ATP1A3: variants seen among roughly 807,000 people sequenced by gnomAD.
The protein encoded by ATP1A3 is ATPase Na+/K+ transporting subunit alpha 3, also known as sodium/potassium-transporting ATPase subunit alpha-3.
ATP1A3 carries 12 observed loss-of-function variants against 108.8 expected under a neutral mutation model. That is an observed-to-expected ratio of 0.11 (90% CI 0.07 to 0.18). The LOEUF (loss-of-function observed/expected upper bound fraction) is 0.18. Ranked by LOEUF, ATP1A3 falls within the 10% of genes least tolerant of loss-of-function variation. The pLI, the probability that ATP1A3 is intolerant of heterozygous loss-of-function variation, is 1.00. For synonymous variants in ATP1A3, 539 were observed against 564.5 expected (o/e 0.95, Z 0.64); for missense variants, 498 against 1,387.7 (o/e 0.36, Z 10.19).
chr19:41,968,061 C>G lies in ATP1A3; in HGVS notation c.2820-298G>C, dbSNP rs1555859038. Among the ~76,000 whole-genome samples the G allele has an allele frequency of 6.6e-6, 1 of 151,260 alleles. No homozygotes were observed. Among genetic ancestry groups the G allele is most frequent in the East Asian group, 1.9e-4 (1 of 5,160 alleles). Reference sequence around the variant, plus strand: ...ACAGAGAGACAGACACAGGGACAGACACAGAGACAGGGACAGAAACAGACA... The same window carrying G: ...ACAGAGAGACAGACACAGGGACAGAGACAGAGACAGGGACAGAAACAGACA... On this transcript the variant is annotated intron_variant, in intron 20 of 22. Coordinates refer to ENST00000648268, the MANE Select transcript of ATP1A3 (RefSeq NM_152296.5). The surrounding 1 kb of genome is among the most constrained non-coding windows in gnomAD (Gnocchi z 5.0).
rs531493639 is a variant in ATP1A3, at chr19:41,987,843, T to C, written c.357+93A>G. 5 of 1,448,794 alleles carry C rather than the reference T, an allele frequency of 3.5e-6. No individual in the cohort carries two copies. The East Asian group carries it at 1.1e-4, about 33-fold the overall frequency. The allele number at this position is 1,448,794 out of a possible 1,614,324, so 89.7% of individuals were successfully genotyped here. On this transcript the variant is annotated intron_variant, in intron 4 of 22. Coordinates refer to ENST00000648268, the MANE Select transcript of ATP1A3 (RefSeq NM_152296.5). The stretch of plus-strand genomic sequence containing the variant: ...GATGGGAAAAAGGGGGAGAGTGGGC[T>C]GTGAAAAGCTTAGAGGGATGGGAAG...
chr19:41,993,501 GCACACACACACACACACACACACACACA>G, intron 1 of ATP1A3: 8 of 676,960 alleles, frequency 1.2e-5, no homozygotes, highest in Admixed American at 3.0e-5. Flanking sequence ...TGCGGAGCCT[GCACACACACACACACACACACACACACA>G]CACACACACA....
In ATP1A3 at chr19:41,985,575, G is replaced by A. The variant is rs2075279352; in HGVS notation, c.607-152C>T. ...GGTGAGTGGTGTGTGGGAGGCCAGA[G>A]GCTGGGATCTTGAAGGTGGGGAAGG... On this transcript the variant is annotated intron_variant, in intron 6 of 22. Transcript: ENST00000648268. This position sits in a 1 kb window ranked among gnomAD's most constrained non-coding sequence, Gnocchi z 8.2. 2.2e-6 allele frequency: 2 copies of A among 891,366 alleles called. No homozygotes were observed. Among genetic ancestry groups the A allele is most frequent in the African/African-American group, 1.6e-5 (1 of 60,904 alleles). 55.2% of individuals were successfully genotyped at this position (891,366 alleles called of 1,614,324 possible).
At chr19:41,982,534 G>C (rs1042174884) in intron 8 of ATP1A3, among the ~76,000 whole-genome samples, 1 of 151,912 alleles carries the variant, frequency 6.6e-6, no homozygotes, top group African/African-American at 2.4e-5. Context: ...GCTGAGGCAC[G>C]AGAACCCCTT....
Position 41,967,143 on chromosome 19 carries a change from G to A in ATP1A3, c.3013+106C>T, listed in dbSNP as rs1202101996. On this transcript the variant is annotated intron_variant, in intron 22 of 22. Transcript: ENST00000648268. The surrounding 1 kb of genome is among the most constrained non-coding windows in gnomAD (Gnocchi z 4.2). ...GAGATGGGAAGAGAGAGAAGAGTGG[G>A]AACCAGGTGGCAGAGCCATCCAGCA... 2 of 1,577,202 alleles carry A rather than the reference G, an allele frequency of 1.3e-6. No homozygotes were observed. Among genetic ancestry groups the A allele is most frequent in the Admixed American group, 1.9e-5 (1 of 53,576 alleles).
rs1450745986 is a variant in ATP1A3 at position 41,968,685 on chromosome 19, AC to A, written c.2819+99del. The A allele has an allele frequency of 2.5e-6, 4 of 1,575,664 alleles. No homozygotes were observed. The highest frequency in any genetic ancestry group is 3.5e-6 in the Non-Finnish European group (4 of 1,157,248). The stretch of plus-strand genomic sequence containing the variant: ...AGTGAGACCCTGCCTCAACAAAACA[AC>A]AAAAAACCAAAGCAAGGACACAAGA... On this transcript the variant is annotated intron_variant, in intron 20 of 22. Transcript: ENST00000648268. This position sits in a 1 kb window ranked among gnomAD's most constrained non-coding sequence, Gnocchi z 5.0.
Position 41,978,575 on chromosome 19 carries a change from G to C in ATP1A3, c.1630+31C>G, listed in dbSNP as rs1555862266. The C allele has an allele frequency of 6.2e-7, 1 of 1,610,034 alleles. No homozygotes were observed. The highest frequency in any genetic ancestry group is 1.7e-5 in the Admixed American group (1 of 59,986). On this transcript the variant is annotated intron_variant, in intron 12 of 22. Coordinates refer to ENST00000648268, the MANE Select transcript of ATP1A3 (RefSeq NM_152296.5). This position sits in a 1 kb window ranked among gnomAD's most constrained non-coding sequence, Gnocchi z 8.3. The stretch of plus-strand genomic sequence containing the variant: ...CATCACAACCCTCCTTGCCCTCCAG[G>C]GACCCCAGAGCCCGCCCGGCAGCCT...
chr19:41,983,931 C>G (rs1011655158), intron 8 of ATP1A3, among the ~76,000 whole-genome samples: 1 of 151,702 alleles, frequency 6.6e-6, no homozygotes, highest in Non-Finnish European at 1.5e-5. Context: ...CCCATCACCA[C>G]GCCTGGCTAA....
At chr19:41,993,253 G>A in intron 1 of ATP1A3, 1 of 809,902 alleles carries the variant, frequency 1.2e-6, no homozygotes, top group African/African-American at 1.7e-5. Context: ...GTCAGCCAGG[G>A]AGGGAGGCGG....
At chr19:41,969,319 T>G (rs1378109542) in intron 19 of ATP1A3, 116 bp downstream of exon 19, 1 of 1,560,682 alleles carries the variant, frequency 6.4e-7, no homozygotes, top group African/African-American at 1.4e-5. Context: ...AGCAAAGGCC[T>G]TGATGCTGCC....
At chr19:41,990,459 G>A (rs1358024006) in intron 1 of ATP1A3, among the ~76,000 whole-genome samples, 2 of 81,028 alleles carry the variant, frequency 2.5e-5, no homozygotes, top group South Asian at 9.7e-4. Flanking sequence ...CAAATCTTCC[G>A]TCCCCCTCCT....
intron 14 of ATP1A3, 72 bp downstream of exon 14, chr19:41,977,864 G>A (rs2075188216): frequency 6.3e-7 from 1 of 1,575,322 alleles, no homozygotes; most frequent in Admixed American, 1.7e-5. Context: ...GAGGGAGGTT[G>A]GGGGGAAGCG....
At chr19:41,993,782 C>T in intron 1 of ATP1A3, 1 of 616,640 alleles carries the variant, frequency 1.6e-6, no homozygotes, top group South Asian at 2.0e-5. Flanking sequence ...CTCATACGCA[C>T]ATGCAACTGT....
At chr19:41,975,033 T>TC (rs2145958274) in intron 16 of ATP1A3, among the ~76,000 whole-genome samples, 1 of 151,194 alleles carries the variant, frequency 6.6e-6, no homozygotes, top group Admixed American at 6.6e-5. Flanking sequence ...GTCCCTGGCT[T>TC]CCCCCTGGTT....
chr19:41,973,158 C>T (rs8107107), intron 16 of ATP1A3, among the ~76,000 whole-genome samples: 130,923 of 152,220 alleles, frequency 0.86, 56,445 homozygotes, highest in Non-Finnish European at 0.88. Context: ...GTGTGCCGTG[C>T]GCTGACTGCC....
rs1359388385 is a variant in ATP1A3 at position 41,981,361 on chromosome 19, C to T, written c.1437+141G>A. On this transcript the variant is annotated intron_variant, in intron 11 of 22. Coordinates refer to ENST00000648268, the MANE Select transcript of ATP1A3 (RefSeq NM_152296.5). The surrounding 1 kb of genome is among the most constrained non-coding windows in gnomAD (Gnocchi z 5.0). ...CAGAGATCCGGCTCCCACTCTCAAG[C>T]TCTCCCTGTTCCTCTCCCCACCAGG... 1.5e-5 allele frequency: 20 copies of T among 1,363,456 alleles called. No homozygotes were observed. Among genetic ancestry groups the T allele is most frequent in the Non-Finnish European group, 1.9e-5 (18 of 969,238 alleles). The allele number at this position is 1,363,456 out of a possible 1,614,324, so 84.5% of individuals were successfully genotyped here.
At chr19:41,970,856 T>C (rs2075098994) in intron 16 of ATP1A3, among the ~76,000 whole-genome samples, 1 of 151,658 alleles carries the variant, frequency 6.6e-6, no homozygotes, top group Non-Finnish European at 1.5e-5. Flanking sequence ...ATGGTCTCAA[T>C]CTCCTGACCT....
In ATP1A3 at chr19:41,967,215, C is replaced by T. The variant is rs782799545; in HGVS notation, c.3013+34G>A. 5.0e-6 allele frequency: 8 copies of T among 1,613,596 alleles called. No homozygotes were observed. The highest frequency in any genetic ancestry group is 6.8e-6 in the Non-Finnish European group (8 of 1,179,846). On this transcript the variant is annotated intron_variant, in intron 22 of 22. Coordinates refer to ENST00000648268, the MANE Select transcript of ATP1A3 (RefSeq NM_152296.5). The surrounding 1 kb of genome is among the most constrained non-coding windows in gnomAD (Gnocchi z 4.2). ...AGCTGCCTGAGACCCTGCTGCCCCC[C>T]GCCCCCCTCGGCTGCCTTGCCGAGC...
intron 11 of ATP1A3, among the ~76,000 whole-genome samples, chr19:41,981,000 C>CTT (rs782504068): frequency 2.2e-5 from 3 of 138,948 alleles, no homozygotes; most frequent in South Asian, 2.4e-4. Context: ...TGTAGGAAAA[C>CTT]TTTTTTTTTT....
Sources: allele counts gnomAD v4.1 joint callset (sites outside exome capture counted in the v4.1 genomes callset), GRCh38; gene constraint gnomAD v4.1.1; non-coding constraint Gnocchi (gnomAD v3.1); transcripts MANE v1.5; gene names NCBI Gene and HGNC (gene_info 2026-07-23, HGNC 2026-07-21).